CDH23: variants seen among roughly 807,000 people sequenced by gnomAD.
CDH23 encodes cadherin-23.
CDH23 carries 189 observed loss-of-function variants against 317.1 expected under a neutral mutation model. The observed-to-expected ratio is 0.60, with a 90% CI of 0.53 to 0.67. CDH23 has a LOEUF of 0.67. Among genes scored for constraint, CDH23 ranks in the 30% least tolerant of loss-of-function variants. The pLI is 0.00. For missense variants in CDH23, 4,401 were observed against 4,592.4 expected (o/e 0.96, Z 1.20); for synonymous variants, 1,839 against 1,876.8 (o/e 0.98, Z 0.52).
chr10:71,516,723 A>G (rs1564627194), intron 6 of CDH23, among the ~76,000 whole-genome samples: 1 of 152,160 alleles, frequency 6.6e-6, no homozygotes, highest in Non-Finnish European at 1.5e-5. Context: ...GGACAGTTAC[A>G]TGGCATGCCC....
chr10:71,680,799 C>G (rs72815821), intron 17 of CDH23, among the ~76,000 whole-genome samples: 42,828 of 115,140 alleles, frequency 0.37, 9,062 homozygotes, highest in African/African-American at 0.4. Flanking sequence ...AATCTACATC[C>G]CTCTGTCTTT....
At chr10:71,400,714 G>T (rs892450614) in intron 1 of CDH23, among the ~76,000 whole-genome samples, 1 of 152,144 alleles carries the variant, frequency 6.6e-6, no homozygotes, top group Admixed American at 6.5e-5. Context: ...AAGGAGAATC[G>T]CTTGAACCTG....
intron 2 of CDH23, among the ~76,000 whole-genome samples, chr10:71,444,135 G>A (rs1323676817): frequency 6.6e-6 from 1 of 152,246 alleles, no homozygotes; most frequent in Non-Finnish European, 1.5e-5. Context: ...CCCCCAGCAG[G>A]GATCAAAAGC....
chr10:71,680,497 C>T (rs1411277046), intron 17 of CDH23, among the ~76,000 whole-genome samples: 1 of 152,138 alleles, frequency 6.6e-6, no homozygotes, highest in East Asian at 1.9e-4. Flanking sequence ...TCTGTAATCC[C>T]AGCACTTTGG....
At chr10:71,412,493 G>T (rs867567540) in intron 1 of CDH23, among the ~76,000 whole-genome samples, 2 of 152,124 alleles carry the variant, frequency 1.3e-5, no homozygotes, top group Non-Finnish European at 2.9e-5. Flanking sequence ...ATTTTTCAGA[G>T]ATGGTTGTCT....
In CDH23 at chr10:71,798,351, C is replaced by G; in HGVS notation, c.6830-3C>G. 1 of 1,612,158 alleles carries G rather than the reference C, an allele frequency of 6.2e-7. No homozygotes were observed. The highest frequency in any genetic ancestry group is 8.5e-7 in the Non-Finnish European group (1 of 1,178,182). On this transcript the variant is annotated splice_region_variant and splice_polypyrimidine_tract_variant and intron_variant, in intron 49 of 69. Transcript: ENST00000224721. The stretch of plus-strand genomic sequence containing the variant: ...TCTCCCTCACTCCCTGCCTCCACCA[C>G]AGCCAAGCTGACTGTCAACGTCCTG...
chr10:71,813,543 G>T (rs1842015273), intron 69 of CDH23, among the ~76,000 whole-genome samples, 195 bp downstream of exon 69: 1 of 152,174 alleles, frequency 6.6e-6, no homozygotes, highest in Non-Finnish European at 1.5e-5. Flanking sequence ...CAGGAATGGG[G>T]TAGTCTCTAA....
chr10:71,596,107 G>C (rs998446950), intron 9 of CDH23, among the ~76,000 whole-genome samples: 5 of 151,970 alleles, frequency 3.3e-5, no homozygotes, highest in African/African-American at 1.2e-4. Context: ...AGGGGTGGTG[G>C]GAGGCACACA....
intron 3 of CDH23, among the ~76,000 whole-genome samples, chr10:71,447,874 TG>T (rs1393796103): frequency 6.6e-6 from 1 of 152,166 alleles, no homozygotes; most frequent in African/African-American, 2.4e-5. Flanking sequence ...CACCCAGACC[TG>T]GGGTGGGGCT....
chr10:71,601,962 G>GGT (rs994061722), intron 9 of CDH23, among the ~76,000 whole-genome samples: 1 of 38,816 alleles, frequency 2.6e-5, no homozygotes, highest in Non-Finnish European at 5.6e-5. Flanking sequence ...GGGCGGCGGA[G>GGT]GGGGGGGGGC....
At chr10:71,454,541 C>A (rs1187343926) in intron 3 of CDH23, among the ~76,000 whole-genome samples, 1 of 152,214 alleles carries the variant, frequency 6.6e-6, no homozygotes, top group Non-Finnish European at 1.5e-5. Context: ...CCGGTCACTG[C>A]TGTCACTCTG....
At chr10:71,600,984 G>A (rs1860183357) in intron 9 of CDH23, among the ~76,000 whole-genome samples, 1 of 152,176 alleles carries the variant, frequency 6.6e-6, no homozygotes, top group Non-Finnish European at 1.5e-5. Context: ...TCGAACCCAA[G>A]ATGTTTGATG....
intron 69 of CDH23, 63 bp from the exon 70 acceptor site, chr10:71,814,889 G>T: frequency 6.6e-7 from 1 of 1,507,432 alleles, no homozygotes; most frequent in Non-Finnish European, 8.9e-7. Context: ...GGTCTCTGGG[G>T]CCATCCACCT....
intron 6 of CDH23, among the ~76,000 whole-genome samples, chr10:71,542,845 A>G (rs557230932): frequency 5.3e-5 from 8 of 152,344 alleles, no homozygotes; most frequent in African/African-American, 1.4e-4. Context: ...GCACAGGCTG[A>G]GCGGGTTCTT....
chr10:71,800,882 G>A, intron 53 of CDH23, 127 bp downstream of exon 53: 1 of 1,322,328 alleles, frequency 7.6e-7, no homozygotes, highest in Non-Finnish European at 1.0e-6. Flanking sequence ...GAGACACAGT[G>A]ACAGAAAGGA....
chr10:71,696,872 C>A (rs960897501), intron 22 of CDH23, among the ~76,000 whole-genome samples: 3 of 152,210 alleles, frequency 2.0e-5, no homozygotes, highest in Non-Finnish European at 4.4e-5. Flanking sequence ...GCTCTCTAGG[C>A]TCTTTGGTGG....
intron 28 of CDH23, chr10:71,713,610 G>C: frequency 2.9e-6 from 1 of 346,658 alleles, no homozygotes; most frequent in Non-Finnish European, 5.4e-6. Flanking sequence ...AGAAAGCCCT[G>C]AGGATTTGCG....
intron 55 of CDH23, among the ~76,000 whole-genome samples, chr10:71,803,624 C>T (rs1330232838): frequency 6.6e-6 from 1 of 152,036 alleles, no homozygotes; most frequent in Non-Finnish European, 1.5e-5. Flanking sequence ...CTGCCCAGTG[C>T]CACACAGGGC....
chr10:71,657,733 C>A (rs565014993), intron 14 of CDH23, among the ~76,000 whole-genome samples: 15 of 152,194 alleles, frequency 9.9e-5, no homozygotes, highest in East Asian at 5.8e-4. Flanking sequence ...CTCCCCACCC[C>A]CTCCTGACAC....
Sources: gnomAD v4.1 joint callset for allele counts (sites outside exome capture counted in the v4.1 genomes callset) on GRCh38, gnomAD v4.1.1 for gene constraint, MANE v1.5 for transcripts, NCBI Gene and HGNC (gene_info 2026-07-23, HGNC 2026-07-21) for gene names.